CDH20: variants seen among roughly 807,000 people sequenced by gnomAD.
CDH20 encodes cadherin-20.
Under a neutral mutation model 74.2 loss-of-function variants are expected in CDH20, and 29 were observed. The ratio of observed to expected loss-of-function variants is 0.39; its 90% confidence interval spans 0.29 to 0.53. The LOEUF (loss-of-function observed/expected upper bound fraction) is 0.53. Ranked by LOEUF, CDH20 falls within the 20% of genes least tolerant of loss-of-function variation. The pLI is 0.69. For synonymous variants in CDH20, 469 were observed against 405.4 expected (o/e 1.16, Z -1.88); for missense variants, 988 against 1,048.3 (o/e 0.94, Z 0.79).
At chr18:61,343,880 G>A (rs1910033130) in intron 1 of CDH20, among the ~76,000 whole-genome samples, 1 of 152,140 alleles carries the variant, frequency 6.6e-6, no homozygotes, top group Admixed American at 6.5e-5. Context: ...AAAATGATGA[G>A]CTTCCTAATG....
chr18:61,492,476 T>G (rs1472393002), intron 2 of CDH20, among the ~76,000 whole-genome samples: 1 of 152,148 alleles, frequency 6.6e-6, no homozygotes, highest in Non-Finnish European at 1.5e-5. Context: ...CTTCAATGTT[T>G]TCCCACTGTG....
intron 1 of CDH20, among the ~76,000 whole-genome samples, chr18:61,418,382 G>T (rs567974915): frequency 3.3e-5 from 5 of 151,880 alleles, no homozygotes; most frequent in African/African-American, 1.2e-4. Flanking sequence ...GTGAAACCCC[G>T]TCTCTACTAA....
intron 6 of CDH20, among the ~76,000 whole-genome samples, chr18:61,516,228 A>G (rs1465070738): frequency 6.6e-6 from 1 of 152,262 alleles, no homozygotes; most frequent in Non-Finnish European, 1.5e-5. Context: ...CTCAACCAGT[A>G]AATGTTAATA....
intron 1 of CDH20, among the ~76,000 whole-genome samples, chr18:61,425,156 T>C (rs906540488): frequency 6.6e-6 from 1 of 151,774 alleles, no homozygotes; most frequent in Non-Finnish European, 1.5e-5. Flanking sequence ...TTACTGAAGA[T>C]GCAAGACAAA....
intron 1 of CDH20, among the ~76,000 whole-genome samples, chr18:61,387,627 A>G (rs1338530646): frequency 1.3e-5 from 2 of 152,206 alleles, no homozygotes; most frequent in East Asian, 1.9e-4. Context: ...AGGCTTGTCC[A>G]TACTTTGAGC....
intron 1 of CDH20, among the ~76,000 whole-genome samples, chr18:61,354,346 G>A (rs118093235): frequency 0.069 from 10,490 of 152,140 alleles, 469 homozygotes; most frequent in Non-Finnish European, 0.1. Context: ...GGTGGCTCAC[G>A]CCTGTGGTCC....
At chr18:61,532,645 ATTCTAT>A (rs201823336) in intron 7 of CDH20, among the ~76,000 whole-genome samples, 6,605 of 151,918 alleles carry the variant, frequency 0.043, 186 homozygotes, top group Middle Eastern at 0.085. Flanking sequence ...CATATATTCT[ATTCTAT>A]TTCATTTTCT....
chr18:61,382,817 G>A (rs1326784398), intron 1 of CDH20, among the ~76,000 whole-genome samples: 3 of 152,156 alleles, frequency 2.0e-5, no homozygotes, highest in Admixed American at 2.0e-4. Flanking sequence ...ACAGATGTAA[G>A]AACTCACAAT....
intron 1 of CDH20, among the ~76,000 whole-genome samples, chr18:61,431,522 A>G (rs1432732726): frequency 6.6e-6 from 1 of 152,216 alleles, no homozygotes. Flanking sequence ...TACCATAGAA[A>G]TGTAAGAGGA....
intron 1 of CDH20, among the ~76,000 whole-genome samples, chr18:61,403,000 A>T (rs1038037998): frequency 6.6e-6 from 1 of 152,170 alleles, no homozygotes; most frequent in Non-Finnish European, 1.5e-5. Context: ...TACCCTTCTC[A>T]GGGTTAATCA....
At chr18:61,350,753 T>A (rs988310859) in intron 1 of CDH20, among the ~76,000 whole-genome samples, 1 of 152,158 alleles carries the variant, frequency 6.6e-6, no homozygotes, top group African/African-American at 2.4e-5. Context: ...GACTCAGAAA[T>A]TTGGGCTGCT....
intron 1 of CDH20, among the ~76,000 whole-genome samples, chr18:61,420,300 A>G (rs2144271334): frequency 6.6e-6 from 1 of 151,982 alleles, no homozygotes; most frequent in South Asian, 2.1e-4. Context: ...CATTCATGTC[A>G]ATGAAAATGA....
At chr18:61,481,401 T>C (rs898164405) in intron 1 of CDH20, among the ~76,000 whole-genome samples, 1 of 152,212 alleles carries the variant, frequency 6.6e-6, no homozygotes, top group Non-Finnish European at 1.5e-5. Flanking sequence ...GATTAAGCAA[T>C]ATATTGGATG....
intron 1 of CDH20, among the ~76,000 whole-genome samples, chr18:61,429,601 A>ATCT (rs1913185208): frequency 6.6e-6 from 1 of 152,184 alleles, no homozygotes. Context: ...AATTTGGCTT[A>ATCT]TCTTCTCCAA....
At chr18:61,540,375 A>G (rs1326046766) in intron 9 of CDH20, among the ~76,000 whole-genome samples, 1 of 152,178 alleles carries the variant, frequency 6.6e-6, no homozygotes, top group African/African-American at 2.4e-5. Context: ...TGCTGCTGAT[A>G]AAGACATACC....
intron 10 of CDH20, among the ~76,000 whole-genome samples, chr18:61,549,512 C>T (rs778443061): frequency 5.9e-5 from 9 of 152,120 alleles, no homozygotes; most frequent in East Asian, 1.9e-4. Context: ...CCAGACAAAG[C>T]GGCAAAAATA....
At chr18:61,405,788 A>G (rs1178221913) in intron 1 of CDH20, among the ~76,000 whole-genome samples, 2 of 152,208 alleles carry the variant, frequency 1.3e-5, no homozygotes, top group Non-Finnish European at 2.9e-5. Context: ...GATGAGGCCC[A>G]GCAGCCTGTG....
intron 1 of CDH20, among the ~76,000 whole-genome samples, chr18:61,461,274 A>G (rs1568148437): frequency 6.6e-6 from 1 of 151,188 alleles, no homozygotes; most frequent in Non-Finnish European, 1.5e-5. Context: ...ATAATTATTC[A>G]TGGTGTATTA....
intron 6 of CDH20, among the ~76,000 whole-genome samples, chr18:61,525,361 AAAC>A (rs1279501433): frequency 5.3e-5 from 8 of 152,218 alleles, no homozygotes; most frequent in Non-Finnish European, 1.0e-4. Flanking sequence ...AACCTAACAC[AAAC>A]AACGGTGTCC....
Sources: allele counts gnomAD v4.1 joint callset (sites outside exome capture counted in the v4.1 genomes callset), GRCh38; gene constraint gnomAD v4.1.1; transcripts MANE v1.5; gene names NCBI Gene and HGNC (gene_info 2026-07-23, HGNC 2026-07-21).